Variants in APPL2 observed in about 807,000 individuals in gnomAD.
APPL2 encodes the protein adaptor protein, phosphotyrosine interacting with PH domain and leucine zipper 2.
APPL2 carries 84 observed loss-of-function variants against 92.7 expected under a neutral mutation model. The ratio of observed to expected loss-of-function variants is 0.91; its 90% CI spans 0.76 to 1.09. APPL2 has a LOEUF of 1.09. Ranked by LOEUF, APPL2 falls within the 50% of genes least tolerant of loss-of-function variation. The pLI is 0.00. For synonymous variants in APPL2, 291 were observed against 291.0 expected (o/e 1.00, Z 0.00); for missense variants, 736 against 824.5 (o/e 0.89, Z 1.31).
intron 4 of APPL2, among the ~76,000 whole-genome samples, chr12:105,211,810 G>A (rs1436416659): frequency 6.6e-6 from 1 of 152,206 alleles, no homozygotes; most frequent in East Asian, 1.9e-4. Flanking sequence ...GGGCCTGGAA[G>A]TGACTCTGGA....
intron 8 of APPL2, 106 bp downstream of exon 8, chr12:105,206,955 C>T: frequency 7.2e-7 from 1 of 1,393,512 alleles, no homozygotes. Context: ...GGAGATTGTG[C>T]ATTTATGTTT....
chr12:105,194,873 A>ATACAT (rs1199559625), intron 14 of APPL2, among the ~76,000 whole-genome samples: 3 of 151,628 alleles, frequency 2.0e-5, no homozygotes, highest in East Asian at 3.9e-4. Flanking sequence ...TTAACATGGG[A>ATACAT]TACATAAAAG....
intron 17 of APPL2, chr12:105,177,494 A>AT (rs1885668996): frequency 2.2e-5 from 12 of 549,138 alleles, no homozygotes; most frequent in South Asian, 1.9e-4. Context: ...CAAGTAGAAG[A>AT]TTTAACTTCA....
chr12:105,217,582 G>A (rs1040551567), intron 3 of APPL2, 84 bp downstream of exon 3: 227 of 1,273,360 alleles, frequency 1.8e-4, no homozygotes, highest in Non-Finnish European at 2.4e-4. Flanking sequence ...AAATAATTTA[G>A]GTCTCTAAGG....
At chr12:105,182,093 C>G (rs1327069499) in intron 17 of APPL2, among the ~76,000 whole-genome samples, 2 of 152,134 alleles carry the variant, frequency 1.3e-5, no homozygotes, top group African/African-American at 4.8e-5. Context: ...GGCATGATCT[C>G]GGCTCACTGC....
intron 2 of APPL2, among the ~76,000 whole-genome samples, chr12:105,225,946 T>C (rs1482114194): frequency 6.6e-6 from 1 of 151,762 alleles, no homozygotes; most frequent in Non-Finnish European, 1.5e-5. Flanking sequence ...TTATCATTTA[T>C]CAGCAGCGTA....
chr12:105,211,383 C>T (rs1051080947), intron 4 of APPL2, 66 bp from the exon 5 acceptor site: 29 of 1,225,828 alleles, frequency 2.4e-5, no homozygotes, highest in Non-Finnish European at 3.3e-5. Flanking sequence ...AGTCTCATTT[C>T]ACCAAGGAAT....
intron 17 of APPL2, among the ~76,000 whole-genome samples, chr12:105,185,482 T>G (rs1358883808): frequency 6.6e-6 from 1 of 152,062 alleles, no homozygotes; most frequent in African/African-American, 2.4e-5. Flanking sequence ...CACTCACGGC[T>G]TCCCTTGGCT....
At chr12:105,196,423 CTCTTTTT>C (rs1205537720) in intron 11 of APPL2, among the ~76,000 whole-genome samples, 1 of 103,672 alleles carries the variant, frequency 9.6e-6, no homozygotes, top group South Asian at 3.7e-4. Flanking sequence ...GAGGCGTTAA[CTCTTTTT>C]TTTTTTTTTT....
In APPL2 at chr12:105,176,052, T is replaced by G. The variant is rs377182486; in HGVS notation, c.1843A>C (p.Ile615Leu). The G allele has an allele frequency of 1.1e-4, 175 of 1,592,674 alleles. 1 individual carries two copies. In the South Asian group the frequency reaches 1.2e-3, roughly 11 times the overall value. ...ICYAINLGKE[I>L]IEVQKDPEAL... is the part of the protein sequence containing the mutation. ...CATCTTACCTTCTGAACCTCAATAA[T>G]TTCTTTTCCCAAATTAATAGCATAA... is the stretch of plus-strand genomic sequence containing the variant. The change falls in exon 20 of 21, where the codon ATT becomes CTT. Residue 615 changes from isoleucine to leucine, a missense_variant. Transcript: ENST00000258530.
At chr12:105,178,885 T>G (rs1313048222) in intron 17 of APPL2, among the ~76,000 whole-genome samples, 2 of 152,270 alleles carry the variant, frequency 1.3e-5, no homozygotes, top group African/African-American at 4.8e-5. Context: ...ATAACTTTCA[T>G]AGGTATTTTG....
chr12:105,182,497 A>G (rs948235797), intron 17 of APPL2, among the ~76,000 whole-genome samples: 5 of 152,088 alleles, frequency 3.3e-5, no homozygotes, highest in African/African-American at 1.2e-4. Context: ...TTTTGCCTTA[A>G]TTTCATTATT....
intron 4 of APPL2, among the ~76,000 whole-genome samples, chr12:105,215,359 C>G (rs907104577): frequency 6.6e-6 from 1 of 152,146 alleles, no homozygotes; most frequent in African/African-American, 2.4e-5. Flanking sequence ...GGAAAACCCA[C>G]ACATTTTGGT....
chr12:105,195,716 G>T, intron 11 of APPL2, 89 bp from the exon 12 acceptor site: 1 of 1,445,778 alleles, frequency 6.9e-7, no homozygotes, highest in Non-Finnish European at 9.7e-7. Flanking sequence ...GCTGGGGTGT[G>T]GGAGGAAAAG....
At chr12:105,181,955 A>G (rs1021327392) in intron 17 of APPL2, among the ~76,000 whole-genome samples, 23 of 151,614 alleles carry the variant, frequency 1.5e-4, no homozygotes, top group Admixed American at 2.0e-4. Flanking sequence ...TCGTGTCTCT[A>G]TCTCCTTCAG....
At chr12:105,227,547 C>T (rs758501610) in intron 2 of APPL2, among the ~76,000 whole-genome samples, 21 of 152,194 alleles carry the variant, frequency 1.4e-4, no homozygotes, top group African/African-American at 4.8e-4. Context: ...TCCACCCTGC[C>T]GTTCCAGATG....
intron 1 of APPL2, among the ~76,000 whole-genome samples, chr12:105,232,021 T>C (rs965372922): frequency 6.6e-6 from 1 of 152,238 alleles, no homozygotes; most frequent in African/African-American, 2.4e-5. Flanking sequence ...AGAAAGACAC[T>C]GGTATATCTC....
At chr12:105,222,356 C>T (rs2136066134) in intron 2 of APPL2, among the ~76,000 whole-genome samples, 1 of 152,116 alleles carries the variant, frequency 6.6e-6, no homozygotes, top group African/African-American at 2.4e-5. Flanking sequence ...ATCAGGAGGC[C>T]ACTTGGAGAA....
At chr12:105,189,109 C>T (rs1377318535) in intron 16 of APPL2, among the ~76,000 whole-genome samples, 1 of 152,118 alleles carries the variant, frequency 6.6e-6, no homozygotes, top group Non-Finnish European at 1.5e-5. Context: ...ACCTCCGCCT[C>T]CCAGGTTCAA....
Sources: allele counts gnomAD v4.1 joint callset (sites outside exome capture counted in the v4.1 genomes callset), GRCh38; gene constraint gnomAD v4.1.1; transcripts MANE v1.5; gene names NCBI Gene and HGNC (gene_info 2026-07-23, HGNC 2026-07-21).